The following GIGYF2 variants were observed in gnomAD, a reference collection of about 807,000 sequenced individuals.
The protein encoded by GIGYF2 is GRB10-interacting GYF protein 2.
In GIGYF2, 25 loss-of-function variants were observed where a neutral mutation model predicts 208.1. The observed-to-expected ratio is 0.12, with a 90% CI of 0.09 to 0.17. The LOEUF is 0.17. Ranked by LOEUF, GIGYF2 falls within the 10% of genes least tolerant of loss-of-function variation. GIGYF2 has a pLI of 1.00. For synonymous variants in GIGYF2, 534 were observed against 543.8 expected, an observed-to-expected ratio of 0.98 and a Z score of 0.25; for missense variants, 1,302 against 1,579.4, an observed-to-expected ratio of 0.82 and a Z score of 2.98.
At chr2:232,839,059 A>G (rs1056964375) in intron 22 of GIGYF2, among the ~76,000 whole-genome samples, 4 of 151,992 alleles carry the variant, frequency 2.6e-5, no homozygotes, top group Non-Finnish European at 5.9e-5. Context: ...GTTTTGATCT[A>G]TGTTCATGTA....
intron 27 of GIGYF2, among the ~76,000 whole-genome samples, chr2:232,849,684 C>A (rs887745789): frequency 6.6e-6 from 1 of 152,196 alleles, no homozygotes; most frequent in Admixed American, 6.5e-5. Flanking sequence ...TCAACTGGCT[C>A]ATTGGCTAAT....
intron 2 of GIGYF2, among the ~76,000 whole-genome samples, chr2:232,704,718 G>A (rs1367215398): frequency 1.3e-5 from 2 of 151,852 alleles, no homozygotes; most frequent in Admixed American, 6.6e-5. Context: ...GTTTTTAAAC[G>A]AAAATTCTTG....
chr2:232,818,172 C>G (rs1188789353), intron 20 of GIGYF2, among the ~76,000 whole-genome samples: 1 of 152,140 alleles, frequency 6.6e-6, no homozygotes, highest in Non-Finnish European at 1.5e-5. Flanking sequence ...TGCTTATTGA[C>G]CATTCAAATG....
intron 25 of GIGYF2, 134 bp downstream of exon 25, chr2:232,844,708 A>G (rs906630101): frequency 5.7e-6 from 4 of 698,486 alleles, no homozygotes; most frequent in Non-Finnish European, 1.0e-5. Flanking sequence ...GTTCAAGCAC[A>G]TGCAGTCATA....
chr2:232,788,308 G>C (rs1699977496), intron 9 of GIGYF2: 1 of 168,038 alleles, frequency 6.0e-6, no homozygotes, highest in South Asian at 1.5e-4. Flanking sequence ...TTAATGTTTG[G>C]GTAGAGTTAG....
At chr2:232,749,586 G>A (rs1005043456) in intron 5 of GIGYF2, among the ~76,000 whole-genome samples, 1 of 152,014 alleles carries the variant, frequency 6.6e-6, no homozygotes, top group East Asian at 1.9e-4. Context: ...ATTTAGTGTT[G>A]TTCCTGTTTA....
At chr2:232,764,031 T>G (rs60654878) in intron 8 of GIGYF2, among the ~76,000 whole-genome samples, 2,402 of 152,328 alleles carry the variant, frequency 0.016, 77 homozygotes, top group African/African-American at 0.055. Context: ...GTGCAAAATA[T>G]TTCTTTAGAG....
At chr2:232,760,433 A>G in intron 6 of GIGYF2, 47 bp from the exon 7 acceptor site, 1 of 1,181,594 alleles carries the variant, frequency 8.5e-7, no homozygotes, top group Non-Finnish European at 1.3e-6. Context: ...AATGTGTGCC[A>G]CATGTTGACA....
chr2:232,762,886 A>T (rs56026435), intron 8 of GIGYF2, among the ~76,000 whole-genome samples: 7,383 of 152,018 alleles, frequency 0.049, 229 homozygotes, highest in Non-Finnish European at 0.074. Context: ...GCATGATGGT[A>T]TGTGCCTGTA....
At chr2:232,823,119 G>A (rs1033801909) in intron 21 of GIGYF2, among the ~76,000 whole-genome samples, 2 of 151,880 alleles carry the variant, frequency 1.3e-5, no homozygotes, top group Non-Finnish European at 2.9e-5. Context: ...TTTTCATTCT[G>A]CTTATATGGT....
chr2:232,725,158 C>T (rs866446591), intron 2 of GIGYF2, among the ~76,000 whole-genome samples: 4 of 152,134 alleles, frequency 2.6e-5, no homozygotes, highest in Non-Finnish European at 5.9e-5. Context: ...TCATTCTCCT[C>T]CAGGTAACTA....
Position 232,771,123 on chromosome 2 carries a change from C to T in GIGYF2, c.532+9687C>T, listed in dbSNP as rs1223913730. On this transcript the variant is annotated intron_variant, in intron 8 of 28. Coordinates refer to ENST00000373563, the MANE Select transcript of GIGYF2 (RefSeq NM_001103146.3). ...GATCTAGTTCCAGATCACCATTCAT[C>T]TCAGCCAGAACATACCAGAGCACTG... The T allele has an allele frequency of 2.5e-6, 4 of 1,614,116 alleles. No individual in the cohort carries two copies. The highest frequency in any genetic ancestry group is 2.5e-6 in the Non-Finnish European group (3 of 1,180,020).
intron 14 of GIGYF2, among the ~76,000 whole-genome samples, chr2:232,803,192 G>A (rs577316291): frequency 2.6e-4 from 40 of 152,158 alleles, no homozygotes; most frequent in Non-Finnish European, 4.4e-4. Context: ...TGCCCGGCCT[G>A]TTCAGAGATT....
intron 2 of GIGYF2, among the ~76,000 whole-genome samples, chr2:232,724,363 G>T (rs1385850671): frequency 6.6e-6 from 1 of 151,818 alleles, no homozygotes; most frequent in Non-Finnish European, 1.5e-5. Context: ...GGCCTCACAT[G>T]TAAGATTCCT....
chr2:232,835,060 G>GC (rs1017203183), intron 22 of GIGYF2, among the ~76,000 whole-genome samples: 3 of 152,080 alleles, frequency 2.0e-5, no homozygotes, highest in African/African-American at 7.2e-5. Context: ...TGTTTGTTTA[G>GC]CCCCCACTTA....
chr2:232,739,775 A>G (rs758014245), intron 3 of GIGYF2, among the ~76,000 whole-genome samples: 5 of 151,932 alleles, frequency 3.3e-5, no homozygotes, highest in Admixed American at 6.6e-5. Flanking sequence ...TTTCTATCGT[A>G]TATGCAAATG....
At chr2:232,699,401 C>A (rs994216381) in intron 1 of GIGYF2, among the ~76,000 whole-genome samples, 2 of 152,058 alleles carry the variant, frequency 1.3e-5, no homozygotes, top group Non-Finnish European at 2.9e-5. Context: ...TATTTGCTAT[C>A]CTGAATTCTT....
intron 2 of GIGYF2, among the ~76,000 whole-genome samples, chr2:232,720,734 A>T (rs1329307964): frequency 1.3e-5 from 2 of 152,144 alleles, no homozygotes; most frequent in African/African-American, 4.8e-5. Flanking sequence ...AGCTGGGATT[A>T]CAGGCATGAA....
chr2:232,803,848 C>T lies in GIGYF2; in HGVS notation c.1640-2643C>T, dbSNP rs1391360949. ...GACTACAGGCGCCCGCCACCGCGCC[C>T]GGCTAATTTTTTGTATTTTTAGTAG... On this transcript the variant is annotated intron_variant, in intron 14 of 28. Transcript: ENST00000373563. Among the ~76,000 whole-genome samples, 19 of 60,692 alleles carry T rather than the reference C, an allele frequency of 3.1e-4. 8 individuals are homozygous for T. Among genetic ancestry groups the T allele is most frequent in the Admixed American group, 2.2e-3 (15 of 6,778 alleles). The allele number at this position is 60,692 out of a possible 152,430, so 39.8% of individuals were successfully genotyped here. A position where few individuals can be genotyped will look rare whatever the true frequency, so the allele number is the denominator to read the frequency against.
Sources: gnomAD v4.1 joint callset for allele counts (sites outside exome capture counted in the v4.1 genomes callset) on GRCh38, gnomAD v4.1.1 for gene constraint, MANE v1.5 for transcripts, NCBI Gene and HGNC (gene_info 2026-07-23, HGNC 2026-07-21) for gene names.